Variants in KCND2 observed in about 807,000 individuals in gnomAD.
KCND2 encodes the protein A-type voltage-gated potassium channel KCND2.
Under a neutral mutation model 54.4 loss-of-function variants are expected in KCND2, and 16 were observed. The observed-to-expected ratio is 0.29, with a 90% CI of 0.20 to 0.45. The LOEUF (loss-of-function observed/expected upper bound fraction) is 0.45, where lower values mean the gene tolerates loss of function less well. KCND2 is among the 20% of genes least tolerant of loss of function. KCND2 has a pLI of 1.00. For missense variants in KCND2, 486 were observed against 824.2 expected (o/e 0.59, Z 5.02); for synonymous variants, 317 against 310.7 (o/e 1.02, Z -0.21).
chr7:120,401,631 T>A lies in KCND2; in HGVS notation c.1115+125884T>A, dbSNP rs939305232. On this transcript the variant is annotated intron_variant, in intron 1 of 5. Transcript: ENST00000331113. ...TTTCATTATTAGAAATATTACTGTG[T>A]TTATAAGGCGTCAGTCCTCTTCCCC... Among the ~76,000 whole-genome samples, 9 of 152,222 alleles carry A rather than the reference T, an allele frequency of 5.9e-5. No homozygotes were observed. In the South Asian group the frequency reaches 1.5e-3, roughly 25 times the overall value.
rs1248455055 is a variant in KCND2 at position 120,395,815 on chromosome 7, AGGTT to A, written c.1115+120070_1115+120073del. 6.6e-5 allele frequency among the ~76,000 whole-genome samples: 10 copies of A among 151,904 alleles called. No homozygotes were observed. The East Asian group carries it at 1.8e-3, about 27-fold the overall frequency. ...TGTTAATGAGCTGTGAGGACACTGG[AGGTT>A]GCTTTCCTCACAGTCTCCTGGGGTT... is the stretch of plus-strand genomic sequence containing the variant. On this transcript the variant is annotated intron_variant, in intron 1 of 5. Transcript: ENST00000331113.
intron 1 of KCND2, among the ~76,000 whole-genome samples, chr7:120,487,230 G>T (rs923129569): frequency 6.6e-6 from 1 of 151,942 alleles, no homozygotes; most frequent in African/African-American, 2.4e-5. Context: ...TTTAAGTAAA[G>T]ATTTTTTTTT....
At chr7:120,686,728 C>T (rs1053060169) in intron 1 of KCND2, among the ~76,000 whole-genome samples, 4 of 152,120 alleles carry the variant, frequency 2.6e-5, no homozygotes, top group Non-Finnish European at 5.9e-5. Context: ...AGGGTGTTTA[C>T]TGGAGTTGTA....
chr7:120,494,307 A>C (rs2116305736), intron 1 of KCND2, among the ~76,000 whole-genome samples: 1 of 152,230 alleles, frequency 6.6e-6, no homozygotes, highest in South Asian at 2.1e-4. Context: ...TTTAGTATGC[A>C]CTGCATATGT....
At chr7:120,584,349 T>C (rs1792563585) in intron 1 of KCND2, among the ~76,000 whole-genome samples, 1 of 152,230 alleles carries the variant, frequency 6.6e-6, no homozygotes, top group African/African-American at 2.4e-5. Context: ...TTCAGGTGGC[T>C]CTTTCAGCGC....
chr7:120,578,967 A>G (rs1367954161), intron 1 of KCND2, among the ~76,000 whole-genome samples: 3 of 151,226 alleles, frequency 2.0e-5, no homozygotes, highest in East Asian at 3.9e-4. Context: ...AGAAATAAAG[A>G]AATAAAGTTT....
chr7:120,431,326 C>T (rs561893204), intron 1 of KCND2, among the ~76,000 whole-genome samples: 1 of 152,252 alleles, frequency 6.6e-6, no homozygotes, highest in Non-Finnish European at 1.5e-5. Context: ...CATGCCTTAA[C>T]GTAGCCTATG....
intron 1 of KCND2, among the ~76,000 whole-genome samples, chr7:120,457,227 C>G (rs545819301): frequency 1.6e-4 from 25 of 152,270 alleles, no homozygotes; most frequent in African/African-American, 5.1e-4. Flanking sequence ...CTCTGACATG[C>G]CCTGGAGACA....
intron 1 of KCND2, among the ~76,000 whole-genome samples, chr7:120,517,517 T>G (rs1020100019): frequency 6.6e-6 from 1 of 152,070 alleles, no homozygotes; most frequent in Non-Finnish European, 1.5e-5. Flanking sequence ...TAGGTTAAAA[T>G]GCAATCTTTT....
intron 1 of KCND2, among the ~76,000 whole-genome samples, chr7:120,279,146 T>G (rs1799225315): frequency 2.0e-5 from 3 of 151,994 alleles, no homozygotes; most frequent in African/African-American, 4.8e-5. Flanking sequence ...AATTTCCAAG[T>G]GTTCACCAAT....
chr7:120,646,342 T>TC (rs1453384288), intron 1 of KCND2, among the ~76,000 whole-genome samples: 5 of 152,220 alleles, frequency 3.3e-5, no homozygotes, highest in Admixed American at 1.3e-4. Context: ...TTTTCTCTTT[T>TC]CCCAATAGCT....
intron 1 of KCND2, among the ~76,000 whole-genome samples, chr7:120,635,580 C>T (rs1308804719): frequency 2.6e-5 from 4 of 152,282 alleles, no homozygotes; most frequent in East Asian, 3.9e-4. Context: ...TTACTTCCTT[C>T]GGAGTAGATA....
In KCND2 at chr7:120,479,803, A is replaced by C. The variant is rs1463067612; in HGVS notation, c.1115+204056A>C. Among the ~76,000 whole-genome samples, 248 of 147,626 alleles carry C rather than the reference A, an allele frequency of 1.7e-3. 1 individual carries two copies. The highest frequency in any genetic ancestry group is 0.01 in the Middle Eastern group (3 of 292). ...ATAAACTATACACACACACAAAAAA[A>C]AAAAAAAAAAAAAAAATTAGCCTGG... On this transcript the variant is annotated intron_variant, in intron 1 of 5. Transcript: ENST00000331113.
chr7:120,332,618 G>A (rs1453733677), intron 1 of KCND2, among the ~76,000 whole-genome samples: 1 of 152,032 alleles, frequency 6.6e-6, no homozygotes, highest in Non-Finnish European at 1.5e-5. Flanking sequence ...TAGCACTCTG[G>A]CATTCCAATT....
At chr7:120,422,388 C>T (rs1324696464) in intron 1 of KCND2, among the ~76,000 whole-genome samples, 4 of 152,172 alleles carry the variant, frequency 2.6e-5, no homozygotes, top group African/African-American at 9.7e-5. Flanking sequence ...CAGTTATCCT[C>T]AGGAGATTGG....
At chr7:120,418,965 G>A (rs1801567609) in intron 1 of KCND2, among the ~76,000 whole-genome samples, 1 of 152,142 alleles carries the variant, frequency 6.6e-6, no homozygotes, top group South Asian at 2.1e-4. Context: ...TGGCTAAACT[G>A]ACAGTTGGTT....
intron 1 of KCND2, among the ~76,000 whole-genome samples, chr7:120,657,090 G>A (rs1338850513): frequency 6.6e-6 from 1 of 152,084 alleles, no homozygotes; most frequent in Non-Finnish European, 1.5e-5. Flanking sequence ...TTCTGTTTTG[G>A]GGGAGTTATT....
At chr7:120,575,743 T>G (rs777858387) in intron 1 of KCND2, among the ~76,000 whole-genome samples, 1 of 152,208 alleles carries the variant, frequency 6.6e-6, no homozygotes, top group Non-Finnish European at 1.5e-5. Context: ...GAATACGTTC[T>G]TATTTAGCCC....
chr7:120,411,541 C>A (rs867802542), intron 1 of KCND2, among the ~76,000 whole-genome samples: 2 of 151,846 alleles, frequency 1.3e-5, no homozygotes, highest in Middle Eastern at 3.4e-3. Context: ...GATATCAGGG[C>A]ACTCAGATCT....
Sources: allele counts gnomAD v4.1 joint callset (sites outside exome capture counted in the v4.1 genomes callset), GRCh38; gene constraint gnomAD v4.1.1; transcripts MANE v1.5; gene names NCBI Gene and HGNC (gene_info 2026-07-23, HGNC 2026-07-21).